ZNF208: variants seen among roughly 807,000 people sequenced by gnomAD.
ZNF208 encodes zinc finger protein 95.
ZNF208 carries 10 observed loss-of-function variants against 12.1 expected under a neutral mutation model. The ratio of observed to expected loss-of-function variants is 0.83; its 90% CI spans 0.51 to 1.40. ZNF208 has a LOEUF of 1.40. ZNF208 is among the 40% of genes most tolerant of loss of function. The pLI is 0.00. For synonymous variants in ZNF208, 497 were observed against 488.4 expected (o/e 1.02, Z -0.23); for missense variants, 1,652 against 1,485.0 (o/e 1.11, Z -1.85).
At position 21,974,459 on chromosome 19, in the gene ZNF208, T is replaced by G. The variant is rs774239343; in HGVS notation, c.575A>C (p.Lys192Thr). The change falls in exon 4 of 4, where the codon AAA becomes ACA. Residue 192 changes from lysine (K) to threonine (T), a missense_variant. Coordinates refer to ENST00000397126, the MANE Select transcript of ZNF208 (RefSeq NM_007153.3). Reference sequence around the variant, plus strand: ...GGAATTCTCTCTAGTATAAATTCTTTTATGTTGAGATAGGTGTGAAAGCAT... The same window carrying G: ...GGAATTCTCTCTAGTATAAATTCTTGTATGTTGAGATAGGTGTGAAAGCAT... ...FCMLSHLSQH[K>T]RIYTRENSYK... 3 of 1,613,756 alleles carry G rather than the reference T, an allele frequency of 1.9e-6. No homozygotes were observed. Among genetic ancestry groups the G allele is most frequent in the South Asian group, 1.1e-5 (1 of 91,070 alleles).
intron 3 of ZNF208, among the ~76,000 whole-genome samples, chr19:21,980,017 G>C (rs1350467124): frequency 6.6e-6 from 1 of 152,090 alleles, no homozygotes; most frequent in African/African-American, 2.4e-5. Context: ...AATGCAACAA[G>C]ATGAGCTAAC....
rs920740077 is a variant in ZNF208, at chr19:21,971,799, G to A, written c.3235C>T (p.His1079Tyr). The A allele has an allele frequency of 3.7e-6, 6 of 1,613,664 alleles. No individual in the cohort carries two copies. Among genetic ancestry groups the A allele is most frequent in the Non-Finnish European group, 5.1e-6 (6 of 1,179,868 alleles). ...PSRLTEHKAT[H>Y]AGEEPYKCEE... ...CATTTGTAGGGTTCCTCTCCAGCAT[G>A]AGTTGCCTTATGTTCAGTAAGTCTT... Residue 1079 changes from histidine to tyrosine, a missense_variant, in exon 4 of 4, where the codon CAT (histidine) becomes TAT (tyrosine). His to Tyr is a moderately conservative substitution (Grantham distance 83). Around this residue, in one of 3 missense-constraint regions of ZNF208, gnomAD observed 1,239 missense variants for 1,086.2 expected, o/e 1.14. Transcript: ENST00000397126.
intron 3 of ZNF208, 34 bp from the exon 4 acceptor site, chr19:21,974,841 T>C (rs1220402027): frequency 1.3e-6 from 2 of 1,492,800 alleles, no homozygotes; most frequent in Admixed American, 2.6e-5. Flanking sequence ...ATTAGCCTAC[T>C]TATTAGACTC....
chr19:21,946,792 C>T (rs755154357), intron 4 of ZNF208, among the ~76,000 whole-genome samples: 13 of 152,026 alleles, frequency 8.6e-5, no homozygotes, highest in Admixed American at 2.0e-4. Flanking sequence ...TTTCCTTTCA[C>T]GAAGGGCCTA....
chr19:22,003,506 C>A (rs1355740811), intron 1 of ZNF208, among the ~76,000 whole-genome samples: 3 of 147,872 alleles, frequency 2.0e-5, no homozygotes, highest in Admixed American at 1.3e-4. Context: ...AAAAGAAGAC[C>A]AAAAAAAAAC....
Position 21,974,357 on chromosome 19 carries a change from T to C in ZNF208, c.677A>G (p.Glu226Gly), listed in dbSNP as rs181405778. The change falls in exon 4 of 4, where the codon GAG becomes GGG. Residue 226 changes from glutamate to glycine, a missense_variant. Glu to Gly is a moderately conservative substitution (Grantham distance 98). Coordinates refer to ENST00000397126, the MANE Select transcript of ZNF208 (RefSeq NM_007153.3). ...ACATTCTTTACATCTGTAGGGTTTC[T>C]CTCCAGTATGAGCACTCTTATAATA... Reference protein sequence around the residue: ...LTYYKSAHTGEKPYRCKECGK... With the variant: ...LTYYKSAHTGGKPYRCKECGK... 5.4e-4 allele frequency: 875 copies of C among 1,613,842 alleles called. No individual in the cohort carries two copies. Among genetic ancestry groups the C allele is most frequent in the Non-Finnish European group, 5.7e-4 (678 of 1,179,836 alleles).
Position 21,972,428 on chromosome 19 carries a change from G to A in ZNF208, c.2606C>T (p.Ala869Val). ...KPYKCEECGK[A>V]YKWPSTLSYH... ...ACTAAGGGTTGAGGGCCATTTATAG[G>A]CTTTGCCACATTCTTCACATTTGTA... The change falls in exon 4 of 4, where the codon GCC becomes GTC. Residue 869 changes from alanine to valine, a missense_variant. Around this residue, in one of 3 missense-constraint regions of ZNF208, gnomAD observed 1,239 missense variants for 1,086.2 expected, o/e 1.14. Transcript: ENST00000397126. The A allele has an allele frequency of 6.2e-7, 1 of 1,610,940 alleles. No homozygotes were observed. The highest frequency in any genetic ancestry group is 8.5e-7 in the Non-Finnish European group (1 of 1,178,200).
chr19:21,973,385 T>C lies in ZNF208; in HGVS notation c.1649A>G (p.Glu550Gly). The change falls in exon 4 of 4, where the codon GAG becomes GGG. Residue 550 changes from glutamate to glycine, a missense_variant. Glu to Gly is a moderately conservative substitution (Grantham distance 98). Transcript: ENST00000397126. ...ACATTCTTCACATTTGTAGGGTTTC[T>C]CTCCAGTATGAATTACCTTATGTTT... ...LTKHKVIHTG[E>G]KPYKCEECGK... 5 of 1,612,050 alleles carry C rather than the reference T, an allele frequency of 3.1e-6. No individual in the cohort carries two copies. Among genetic ancestry groups the C allele is most frequent in the Non-Finnish European group, 4.2e-6 (5 of 1,179,848 alleles).
In ZNF208 at chr19:21,973,513, G is replaced by T. The variant is rs755262439; in HGVS notation, c.1521C>A (p.Asn507Lys). The change falls in exon 4 of 4, where the codon AAC (asparagine) becomes AAA (lysine). Residue 507 changes from asparagine (N) to lysine (K), a missense_variant. Physicochemically the swap from Asn to Lys is moderately conservative, Grantham distance 94. This residue lies in a region of ZNF208 where 1,239 missense variants were observed against 1,086.2 expected (regional missense o/e 1.14). Coordinates refer to ENST00000397126, the MANE Select transcript of ZNF208 (RefSeq NM_007153.3). ...TATGTTCCATAAGGTTTGAGGACCA[G>T]TTGAAAGCTTTGCCACATTCTTCAC... ...YKCEECGKAF[N>K]WSSNLMEHKR... 3.7e-6 allele frequency: 6 copies of T among 1,609,788 alleles called. No homozygotes were observed. Among genetic ancestry groups the T allele is most frequent in the Non-Finnish European group, 4.2e-6 (5 of 1,178,920 alleles).
downstream of ZNF208, chr19:21,965,867 G>C (rs1970155737): frequency 6.6e-6 from 1 of 151,724 alleles, no homozygotes; most frequent in Non-Finnish European, 1.5e-5. Context: ...TAAGTCTATA[G>C]TGTAGTGTAC....
intron 1 of ZNF208, among the ~76,000 whole-genome samples, chr19:22,006,234 C>T (rs1177808664): frequency 6.6e-6 from 1 of 151,918 alleles, no homozygotes; most frequent in African/African-American, 2.4e-5. Flanking sequence ...TTCATTTAAA[C>T]ATTCCCCTCA....
chr19:21,956,430 C>T (rs770078033), intron 4 of ZNF208, among the ~76,000 whole-genome samples: 5 of 152,174 alleles, frequency 3.3e-5, no homozygotes, highest in African/African-American at 1.2e-4. Flanking sequence ...TGCCCTGCCC[C>T]TAGAGGTGGA....
At chr19:21,954,644 C>A (rs1483187176) in intron 4 of ZNF208, among the ~76,000 whole-genome samples, 1 of 152,192 alleles carries the variant, frequency 6.6e-6, no homozygotes, top group Non-Finnish European at 1.5e-5. Context: ...TTATCCGAGA[C>A]TAGGATTGCA....
chr19:21,995,517 T>C (rs755884998), intron 1 of ZNF208, among the ~76,000 whole-genome samples: 9 of 152,194 alleles, frequency 5.9e-5, no homozygotes, highest in South Asian at 2.1e-4. Flanking sequence ...CAGAGATTCA[T>C]AGGTAATTGT....
chr19:21,940,811 G>C (rs1969726843), intron 4 of ZNF208: 1 of 153,102 alleles, frequency 6.5e-6, no homozygotes, highest in Non-Finnish European at 1.5e-5. Context: ...TCTGATGGAA[G>C]GGGAGGTGGC....
In ZNF208 at chr19:21,969,792, T is replaced by G. The variant is rs986956858; in HGVS notation, c.*1399A>C. Reference sequence around the variant, plus strand: ...TCAAAATAAATATTCTTCTGTACTTTAACAGCTTTTATTTTCTGAAAGATC... The same window carrying G: ...TCAAAATAAATATTCTTCTGTACTTGAACAGCTTTTATTTTCTGAAAGATC... On this transcript the variant is annotated 3_prime_UTR_variant, in exon 4 of 4. Coordinates refer to ENST00000397126, the MANE Select transcript of ZNF208 (RefSeq NM_007153.3). Among the ~76,000 whole-genome samples, 2 of 152,162 alleles carry G rather than the reference T, an allele frequency of 1.3e-5. No homozygotes were observed. Among genetic ancestry groups the G allele is most frequent in the Admixed American group, 6.5e-5 (1 of 15,272 alleles).
chr19:21,999,520 A>G (rs1970903473), intron 1 of ZNF208, among the ~76,000 whole-genome samples: 1 of 152,206 alleles, frequency 6.6e-6, no homozygotes, highest in South Asian at 2.1e-4. Context: ...CTGGATAATC[A>G]GGTTTCTGCC....
At chr19:21,955,790 G>A (rs1041860715) in intron 4 of ZNF208, among the ~76,000 whole-genome samples, 14 of 152,004 alleles carry the variant, frequency 9.2e-5, no homozygotes, top group Admixed American at 2.6e-4. Flanking sequence ...CCTTTAGCTC[G>A]GAGAAGTTTG....
rs185722594 is a variant in ZNF208, at chr19:21,976,568, T to C, written c.227-1761A>G. On this transcript the variant is annotated intron_variant, in intron 3 of 3. Coordinates refer to ENST00000397126, the MANE Select transcript of ZNF208 (RefSeq NM_007153.3). ...AGATATCTAATAGATTTATTAACAT[T>C]TATTCTTTTGAGACAAAGTTTTACT... Among the ~76,000 whole-genome samples the C allele has an allele frequency of 2.1e-4, 32 of 152,330 alleles. No individual in the cohort carries two copies. The East Asian group carries it at 5.4e-3, about 26-fold the overall frequency.
Sources: gnomAD v4.1 joint callset for allele counts (sites outside exome capture counted in the v4.1 genomes callset) on GRCh38, gnomAD v4.1.1 for gene constraint, gnomAD v4.1.1 regional missense constraint, MANE v1.5 for transcripts, NCBI Gene and HGNC (gene_info 2026-07-23, HGNC 2026-07-21) for gene names.